The following ABHD3 variants were observed in gnomAD, a reference collection of about 807,000 sequenced individuals.
The protein encoded by ABHD3 is phospholipase ABHD3.
Under a neutral mutation model 48.8 loss-of-function variants are expected in ABHD3, and 46 were observed. The observed-to-expected ratio is 0.94, with a 90% CI of 0.74 to 1.20. ABHD3 has a LOEUF of 1.20. ABHD3 is among the 50% of genes most tolerant of loss of function. The probability of loss-of-function intolerance (pLI) is 0.00; values close to 1 mark genes in which losing one functional copy is unlikely to be tolerated. For missense variants in ABHD3, 490 were observed against 497.8 expected (o/e 0.98, Z 0.15); for synonymous variants, 192 against 183.7 (o/e 1.04, Z -0.36).
intron 5 of ABHD3, among the ~76,000 whole-genome samples, chr18:21,659,962 C>CTTTTTTTTTT (rs60634505): frequency 1.4e-5 from 1 of 73,838 alleles, no homozygotes; most frequent in African/African-American, 7.9e-5. Context: ...TGCACCCGGC[C>CTTTTTTTTTT]TTTTTTTTTT....
intron 3 of ABHD3, among the ~76,000 whole-genome samples, chr18:21,696,707 A>G (rs1162040648): frequency 6.6e-6 from 1 of 151,774 alleles, no homozygotes; most frequent in Non-Finnish European, 1.5e-5. Flanking sequence ...GTCTTTTATT[A>G]TTATTATTCA....
chr18:21,683,226 G>A (rs904450842), intron 4 of ABHD3, among the ~76,000 whole-genome samples: 28 of 152,036 alleles, frequency 1.8e-4, no homozygotes, highest in African/African-American at 6.8e-4. Context: ...TTTAGCAAGT[G>A]GAATATTTCT....
intron 3 of ABHD3, among the ~76,000 whole-genome samples, chr18:21,687,638 A>G (rs565876469): frequency 2.6e-5 from 4 of 152,374 alleles, no homozygotes; most frequent in African/African-American, 9.6e-5. Flanking sequence ...TTTGAACTAT[A>G]TAATTTTTTT....
chr18:21,704,746 C>T lies in ABHD3; in HGVS notation c.-81G>A, dbSNP rs1234291526. The stretch of plus-strand genomic sequence containing the variant: ...GGGCGAGAGCGGGCGAGAGCGGACG[C>T]GGCGCCGCTGCCTACTCCCGACCAC... On this transcript the variant is annotated 5_prime_UTR_variant, in exon 1 of 9. Transcript: ENST00000289119. 2.1e-6 allele frequency: 2 copies of T among 968,252 alleles called. No homozygotes were observed. Among genetic ancestry groups the T allele is most frequent in the African/African-American group, 4.2e-5 (1 of 23,882 alleles). The allele number at this position is 968,252 out of a possible 1,614,324, so 60.0% of individuals were successfully genotyped here. A position where few individuals can be genotyped will look rare whatever the true frequency, so the allele number is the denominator to read the frequency against.
chr18:21,686,386 TA>T (rs1568156891), intron 3 of ABHD3, among the ~76,000 whole-genome samples: 1 of 152,152 alleles, frequency 6.6e-6, no homozygotes, highest in African/African-American at 2.4e-5. Flanking sequence ...GTACAAACAT[TA>T]AATAAGGATT....
At chr18:21,682,731 A>G (rs1475609155) in intron 4 of ABHD3, among the ~76,000 whole-genome samples, 1 of 152,146 alleles carries the variant, frequency 6.6e-6, no homozygotes, top group South Asian at 2.1e-4. Context: ...GCCTCAGACC[A>G]TGTCTTCCCC....
At chr18:21,663,544 C>G in intron 5 of ABHD3, 2 of 824,888 alleles carry the variant, frequency 2.4e-6, no homozygotes, top group East Asian at 5.7e-5. Flanking sequence ...TAATTGCAAG[C>G]AGCACAAATG....
At chr18:21,702,918 T>C (rs560657976) in intron 2 of ABHD3, among the ~76,000 whole-genome samples, 2 of 152,334 alleles carry the variant, frequency 1.3e-5, no homozygotes, top group Admixed American at 6.5e-5. Flanking sequence ...TTGTATAGTA[T>C]ACTTCAAGAT....
Position 21,664,119 on chromosome 18 carries a change from C to A in ABHD3, c.667G>T (p.Gly223Ter). 6.2e-7 allele frequency: 1 copy of A among 1,606,774 alleles called. No homozygotes were observed. Among genetic ancestry groups the A allele is most frequent in the Non-Finnish European group, 8.5e-7 (1 of 1,178,528 alleles). ...TATTTTAGAAAGGGAAAACCTTACC[C>A]TCCCATTGAAACCCCTGCTGCCAGG... The part of the protein sequence containing the change: ...PFLAAGVSMG[G>*]MLLLNYLGKI... Residue 223 changes from glycine (G) to a stop codon, truncating the protein, a stop_gained and splice_region_variant, in exon 5 of 9, where the codon GGA becomes TGA. Coordinates refer to ENST00000289119, the MANE Select transcript of ABHD3 (RefSeq NM_138340.5). LOFTEE classifies it high-confidence loss of function.
intron 3 of ABHD3, among the ~76,000 whole-genome samples, chr18:21,700,691 C>T (rs901523984): frequency 6.6e-6 from 1 of 151,832 alleles, no homozygotes; most frequent in Non-Finnish European, 1.5e-5. Flanking sequence ...TCAGCCACTG[C>T]ACCTGGCCCA....
At chr18:21,694,328 G>A (rs936274022) in intron 3 of ABHD3, among the ~76,000 whole-genome samples, 6 of 152,032 alleles carry the variant, frequency 3.9e-5, no homozygotes, top group African/African-American at 9.7e-5. Context: ...AACTCCTGAC[G>A]TCAAGCGATC....
At chr18:21,689,968 C>G (rs2040210586) in intron 3 of ABHD3, among the ~76,000 whole-genome samples, 1 of 151,742 alleles carries the variant, frequency 6.6e-6, no homozygotes, top group Non-Finnish European at 1.5e-5. Flanking sequence ...ATTGCTAGAC[C>G]ATGAAGAAAC....
At chr18:21,655,169 T>C (rs1432768769) in intron 8 of ABHD3, 1 of 152,046 alleles carries the variant, frequency 6.6e-6, no homozygotes, top group East Asian at 1.9e-4. Context: ...ATACACACAC[T>C]GGGGATTTTC....
intron 3 of ABHD3, among the ~76,000 whole-genome samples, chr18:21,700,521 C>G (rs2040483539): frequency 6.6e-6 from 1 of 152,112 alleles, no homozygotes; most frequent in South Asian, 2.1e-4. Flanking sequence ...GCCTCAGCCT[C>G]CTGAGTAGCT....
chr18:21,669,087 C>A (rs1274076415), intron 4 of ABHD3, among the ~76,000 whole-genome samples: 6 of 151,928 alleles, frequency 3.9e-5, no homozygotes, highest in Admixed American at 1.3e-4. Context: ...ACAAAAAAAA[C>A]CCACACCCAA....
chr18:21,703,518 T>TAAGC (rs1341646668), intron 2 of ABHD3, 66 bp downstream of exon 2: 1 of 1,556,950 alleles, frequency 6.4e-7, no homozygotes, highest in Non-Finnish European at 8.8e-7. Flanking sequence ...GAACTGGGAA[T>TAAGC]AAGCAAGCAA....
At chr18:21,680,891 T>TAC (rs1308135943) in intron 4 of ABHD3, among the ~76,000 whole-genome samples, 52 of 150,886 alleles carry the variant, frequency 3.4e-4, no homozygotes, top group African/African-American at 4.9e-4. Flanking sequence ...TATATATATA[T>TAC]ACACACACAC....
chr18:21,651,799 GAAGGA>G (rs1172800088), intron 8 of ABHD3, 36 bp from the exon 9 acceptor site: 1 of 1,474,146 alleles, frequency 6.8e-7, no homozygotes, highest in Non-Finnish European at 9.0e-7. Flanking sequence ...TAAGAGAGAA[GAAGGA>G]GAGAGAAAAA....
At chr18:21,696,084 C>T (rs934144433) in intron 3 of ABHD3, among the ~76,000 whole-genome samples, 2 of 150,154 alleles carry the variant, frequency 1.3e-5, no homozygotes, top group African/African-American at 2.4e-5. Flanking sequence ...GTAATAATGG[C>T]TCTCAATTTT....
Sources: allele counts gnomAD v4.1 joint callset (sites outside exome capture counted in the v4.1 genomes callset), GRCh38; gene constraint gnomAD v4.1.1; transcripts MANE v1.5; gene names NCBI Gene and HGNC (gene_info 2026-07-23, HGNC 2026-07-21).